The following ZNF90 variants were observed in gnomAD, a reference collection of about 807,000 sequenced individuals.
ZNF90 encodes the protein zinc finger protein HTF9.
A neutral mutation model predicts 12.0 loss-of-function variants in ZNF90; 11 were observed. That is an observed-to-expected ratio of 0.92 (90% confidence interval 0.58 to 1.52). ZNF90 has a LOEUF of 1.52. ZNF90 is among the 40% of genes most tolerant of loss of function. ZNF90 has a pLI of 0.00. For missense variants in ZNF90, 765 were observed against 711.5 expected (o/e 1.08, Z -0.86); for synonymous variants, 232 against 240.1 (o/e 0.97, Z 0.31).
chr19:20,078,069 C>T lies in ZNF90; in HGVS notation c.-64C>T, dbSNP rs2088790687. On this transcript the variant is annotated 5_prime_UTR_variant, in exon 1 of 4. Coordinates refer to ENST00000418063, the MANE Select transcript of ZNF90 (RefSeq NM_007138.2). ...TGCTTCGTGTCTTCTTCTCCAGCCT[C>T]TGTGGCCCTGTGACCTGCAGGTATT... 3.7e-6 allele frequency: 6 copies of T among 1,611,600 alleles called. No individual in the cohort carries two copies. Among genetic ancestry groups the T allele is most frequent in the Admixed American group, 3.3e-5 (2 of 60,000 alleles).
intron 3 of ZNF90, among the ~76,000 whole-genome samples, chr19:20,117,392 C>CTT (rs2089148042): frequency 6.7e-6 from 1 of 148,390 alleles, no homozygotes; most frequent in African/African-American, 2.6e-5. Flanking sequence ...CTTTTCTTTT[C>CTT]TTTTCTCCTT....
chr19:20,079,139 T>G (rs200302029), intron 1 of ZNF90, among the ~76,000 whole-genome samples: 1 of 142,796 alleles, frequency 7.0e-6, no homozygotes, highest in East Asian at 2.0e-4. Flanking sequence ...AAAAAAAAAG[T>G]AAGCATCTTA....
At chr19:20,080,013 G>T (rs1379434949) in intron 1 of ZNF90, 1 of 313,462 alleles carries the variant, frequency 3.2e-6, no homozygotes, top group Admixed American at 4.2e-5. Context: ...TCGGCTCACT[G>T]CAACCTCCGC....
At chr19:20,088,289 G>A (rs528905962) in intron 1 of ZNF90, among the ~76,000 whole-genome samples, 186 of 152,232 alleles carry the variant, frequency 1.2e-3, no homozygotes, top group Non-Finnish European at 2.2e-3. Context: ...AACCTAGAGT[G>A]GGAGAGATTA....
At chr19:20,080,465 C>T (rs2088812014) in intron 1 of ZNF90, 1 of 290,704 alleles carries the variant, frequency 3.4e-6, no homozygotes, top group Admixed American at 5.2e-5. Context: ...ACTCATCCTT[C>T]TGCTTCTTGT....
intron 1 of ZNF90, among the ~76,000 whole-genome samples, chr19:20,090,591 TAAC>T (rs1469339594): frequency 6.6e-6 from 1 of 152,172 alleles, no homozygotes. Context: ...GTCAGATTCT[TAAC>T]AACAACTGAT....
chr19:20,084,098 G>A (rs1555701814), intron 1 of ZNF90, among the ~76,000 whole-genome samples: 1 of 149,686 alleles, frequency 6.7e-6, no homozygotes, highest in Non-Finnish European at 1.5e-5. Flanking sequence ...GAGTCTCCCA[G>A]GCTGGAGTGC....
Position 20,105,029 on chromosome 19 carries a change from A to T in ZNF90, c.131-192A>T, listed in dbSNP as rs537213442. 2.6e-5 allele frequency among the ~76,000 whole-genome samples: 4 copies of T among 152,226 alleles called. No individual in the cohort carries two copies. The East Asian group carries it at 7.7e-4, about 29-fold the overall frequency. Reference sequence around the variant, plus strand: ...AACAAACAAAAAACAAAACAAAACAAAACAAAAAACCACACACACACAAAA... The same window carrying T: ...AACAAACAAAAAACAAAACAAAACATAACAAAAAACCACACACACACAAAA... On this transcript the variant is annotated intron_variant, in intron 2 of 3. Transcript: ENST00000418063.
Position 20,118,170 on chromosome 19 carries a change from T to C in ZNF90, c.616T>C (p.Cys206Arg). 1 of 1,613,178 alleles carries C rather than the reference T, an allele frequency of 6.2e-7. No individual in the cohort carries two copies. Among genetic ancestry groups the C allele is most frequent in the Non-Finnish European group, 8.5e-7 (1 of 1,179,516 alleles). Reference sequence around the variant, plus strand: ...AGAGATAACCTGCAAATGTGAAGAATGTGGCAAAGCCTTCAACAGGTCCTC... The same window carrying C: ...AGAGATAACCTGCAAATGTGAAGAACGTGGCAAAGCCTTCAACAGGTCCTC... Reference protein sequence around the residue: ...TGEITCKCEECGKAFNRSSHL... With the variant: ...TGEITCKCEERGKAFNRSSHL... The change falls in exon 4 of 4, where the codon TGT becomes CGT. Residue 206 changes from cysteine (C) to arginine (R), a missense_variant. Cys to Arg is a radical substitution (Grantham distance 180). Transcript: ENST00000418063.
At chr19:20,110,319 C>T (rs541616264) in intron 3 of ZNF90, among the ~76,000 whole-genome samples, 96 of 152,182 alleles carry the variant, frequency 6.3e-4, no homozygotes, top group African/African-American at 2.3e-3. Flanking sequence ...TGCTCTGTTG[C>T]CCAGGCTGGA....
intron 1 of ZNF90, chr19:20,080,401 G>A (rs2088811085): frequency 4.9e-6 from 2 of 405,490 alleles, no homozygotes; most frequent in South Asian, 4.5e-5. Flanking sequence ...CCCCACAAAC[G>A]GACTGTGTGG....
chr19:20,080,783 A>C (rs1000948790), intron 1 of ZNF90, among the ~76,000 whole-genome samples: 2 of 152,178 alleles, frequency 1.3e-5, no homozygotes, highest in Non-Finnish European at 2.9e-5. Flanking sequence ...TGTGGGACTG[A>C]GCACTGAAAC....
Position 20,119,034 on chromosome 19 carries a change from T to C in ZNF90, c.1480T>C (p.Ser494Pro), listed in dbSNP as rs782474860. The C allele has an allele frequency of 6.2e-7, 1 of 1,607,508 alleles. No homozygotes were observed. Among genetic ancestry groups the C allele is most frequent in the Non-Finnish European group, 8.5e-7 (1 of 1,176,686 alleles). Residue 494 changes from serine (S) to proline (P), a missense_variant, in exon 4 of 4, where the codon TCA becomes CCA. Physicochemically the swap from Ser to Pro is moderately conservative, Grantham distance 74. Transcript: ENST00000418063. ...ATGTGACAAAGCCTTCAAGTACTCC[T>C]CAGCCCTTAGCACACATAAGATAAT... The part of the protein sequence containing the change: ...QECDKAFKYS[S>P]ALSTHKIIHS...
chr19:20,092,736 T>C (rs1555702861), intron 1 of ZNF90, among the ~76,000 whole-genome samples: 1 of 152,172 alleles, frequency 6.6e-6, no homozygotes, highest in Non-Finnish European at 1.5e-5. Flanking sequence ...GCATGTGTGT[T>C]CTTATGAAGA....
At chr19:20,104,199 A>G in intron 1 of ZNF90, 40 bp from the exon 2 acceptor site, 2 of 1,609,038 alleles carry the variant, frequency 1.2e-6, no homozygotes, top group Non-Finnish European at 1.7e-6. Context: ...GCCCATGACC[A>G]CTTGGTAAAA....
chr19:20,118,480 A>G lies in ZNF90; in HGVS notation c.926A>G (p.Glu309Gly), dbSNP rs1450828903. Residue 309 changes from glutamate to glycine, a missense_variant, in exon 4 of 4, where the codon GAA becomes GGA. Glu to Gly is a moderately conservative substitution (Grantham distance 98, BLOSUM62 -2). Coordinates refer to ENST00000418063, the MANE Select transcript of ZNF90 (RefSeq NM_007138.2). Reference sequence around the variant, plus strand: ...TATGTACATAAGATAAGTCATACTGAAGAGAAACCCTACAAATGTGAAGAA... The same window carrying G: ...TATGTACATAAGATAAGTCATACTGGAGAGAAACCCTACAAATGTGAAGAA... The part of the protein sequence containing the change: ...ILYVHKISHT[E>G]EKPYKCEECG... 2 of 1,612,218 alleles carry G rather than the reference A, an allele frequency of 1.2e-6. No homozygotes were observed. The highest frequency in any genetic ancestry group is 8.5e-7 in the Non-Finnish European group (1 of 1,179,492).
intron 1 of ZNF90, among the ~76,000 whole-genome samples, chr19:20,079,079 A>G (rs952997970): frequency 6.7e-5 from 10 of 149,292 alleles, no homozygotes; most frequent in Non-Finnish European, 1.5e-4. Flanking sequence ...AGATCCCTCC[A>G]TCGCGCTCCA....
intron 2 of ZNF90, 113 bp from the exon 3 acceptor site, chr19:20,105,106 ACT>A (rs745735276): frequency 1.6e-4 from 98 of 597,974 alleles, no homozygotes; most frequent in Admixed American, 6.2e-4. Context: ...TTTTTTTATA[ACT>A]CTATTTTGGA....
rs1555706178 is a variant in ZNF90, at chr19:20,118,881, C to T, written c.1327C>T (p.His443Tyr). Residue 443 changes from histidine (H) to tyrosine (Y), a missense_variant, in exon 4 of 4, where the codon CAT becomes TAT. Coordinates refer to ENST00000418063, the MANE Select transcript of ZNF90 (RefSeq NM_007138.2). ...VFKRSSALST[H>Y]KIIHSGEKPY... ...CAAACGCTCCTCAGCCCTTAGCACACATAAGATAATTCATAGTGGAGAGAA... is the reference window on the plus strand; with the variant it reads ...CAAACGCTCCTCAGCCCTTAGCACATATAAGATAATTCATAGTGGAGAGAA... 6.2e-7 allele frequency: 1 copy of T among 1,611,526 alleles called. No individual in the cohort carries two copies. Among genetic ancestry groups the T allele is most frequent in the Non-Finnish European group, 8.5e-7 (1 of 1,178,924 alleles).
Sources: gnomAD v4.1 joint callset for allele counts (sites outside exome capture counted in the v4.1 genomes callset) on GRCh38, gnomAD v4.1.1 for gene constraint, MANE v1.5 for transcripts, NCBI Gene and HGNC (gene_info 2026-07-23, HGNC 2026-07-21) for gene names.